The following PCDHGB7 variants were observed in gnomAD, a reference collection of about 807,000 sequenced individuals.
PCDHGB7 encodes protocadherin gamma-B7.
In PCDHGB7, 37 loss-of-function variants were observed where a neutral mutation model predicts 61.4. That is an observed-to-expected ratio of 0.60 (90% CI 0.46 to 0.79). The LOEUF (loss-of-function observed/expected upper bound fraction) is 0.79, where lower values mean the gene tolerates loss of function less well. PCDHGB7 is among the 30% of genes least tolerant of loss of function. The probability of loss-of-function intolerance (pLI) is 0.00; values close to 1 mark genes in which losing one functional copy is unlikely to be tolerated. For missense variants in PCDHGB7, 1,166 were observed against 1,202.5 expected, an observed-to-expected ratio of 0.97 and a Z score of 0.45; for synonymous variants, 464 against 503.5, an observed-to-expected ratio of 0.92 and a Z score of 1.05.
In PCDHGB7 at chr5:141,491,681, C is replaced by A; in HGVS notation, c.2416-3126C>A. The A allele has an allele frequency of 6.2e-7, 1 of 1,613,458 alleles. No individual in the cohort carries two copies. Among genetic ancestry groups the A allele is most frequent in the Non-Finnish European group, 8.5e-7 (1 of 1,179,804 alleles). ...GACGCCATCCGGTCCCGCTCTAATA[C>A]GCTGCGGGAGCGGAGCCAGGTGAGG... On this transcript the variant is annotated intron_variant, in intron 1 of 3. Coordinates refer to ENST00000398594, the MANE Select transcript of PCDHGB7 (RefSeq NM_018927.4). This position sits in a 1 kb window ranked among gnomAD's most constrained non-coding sequence, Gnocchi z 6.9.
chr5:141,435,990 T>C (rs1175877769), intron 1 of PCDHGB7, among the ~76,000 whole-genome samples: 1 of 152,162 alleles, frequency 6.6e-6, no homozygotes, highest in Non-Finnish European at 1.5e-5. Flanking sequence ...TTGTGTGATT[T>C]TTTGAAAGAA....
At chr5:141,492,560 G>T (rs2099742000) in intron 1 of PCDHGB7, among the ~76,000 whole-genome samples, 1 of 152,156 alleles carries the variant, frequency 6.6e-6, no homozygotes, top group Non-Finnish European at 1.5e-5. Context: ...CCTGGGGGGC[G>T]GCCTGAGCGA....
chr5:141,500,232 G>A (rs1024752888), intron 2 of PCDHGB7, among the ~76,000 whole-genome samples: 1 of 137,690 alleles, frequency 7.3e-6, no homozygotes, highest in South Asian at 2.3e-4. Flanking sequence ...TTATTGATAC[G>A]TAGCCTTGCT....
chr5:141,447,481 A>G lies in PCDHGB7; in HGVS notation c.2415+27207A>G, dbSNP rs141192758. 3.9e-3 allele frequency among the ~76,000 whole-genome samples: 591 copies of G among 152,326 alleles called. 6 individuals carry two copies. The highest frequency in any genetic ancestry group is 0.011 in the Admixed American group (170 of 15,286). ...TTTTCTTCACCATCTGTAAAACTGC[A>G]TAGAAGGAATGTTTAGGATAAAAGA... On this transcript the variant is annotated intron_variant, in intron 1 of 3. Transcript: ENST00000398594.
At position 141,490,148 on chromosome 5, in the gene PCDHGB7, A is replaced by G. The variant is rs2154582223; in HGVS notation, c.2416-4659A>G. The G allele has an allele frequency of 1.2e-6, 2 of 1,614,232 alleles. No homozygotes were observed. The highest frequency in any genetic ancestry group is 4.5e-5 in the East Asian group (2 of 44,888). On this transcript the variant is annotated intron_variant, in intron 1 of 3. Coordinates refer to ENST00000398594, the MANE Select transcript of PCDHGB7 (RefSeq NM_018927.4). The surrounding 1 kb of genome is among the most constrained non-coding windows in gnomAD (Gnocchi z 5.4). The stretch of plus-strand genomic sequence containing the variant: ...CTAGACCCTAGCAGTGGGGCAATCC[A>G]TGTGTTGGGTCCCATAGACTTTGAG...
chr5:141,494,746 C>A lies in PCDHGB7; in HGVS notation c.2416-61C>A. 3 of 1,613,088 alleles carry A rather than the reference C, an allele frequency of 1.9e-6. No individual in the cohort carries two copies. The South Asian group carries it at 3.3e-5, about 18-fold the overall frequency. On this transcript the variant is annotated intron_variant, in intron 1 of 3. Coordinates refer to ENST00000398594, the MANE Select transcript of PCDHGB7 (RefSeq NM_018927.4). ...TTCTCTCCCGGCCCATCCCTAGGGG[C>A]TCGGGTGACATTCTAACTTCTCACG...
chr5:141,492,395 C>G (rs2099740183), intron 1 of PCDHGB7, among the ~76,000 whole-genome samples: 1 of 152,242 alleles, frequency 6.6e-6, no homozygotes, highest in African/African-American at 2.4e-5. Flanking sequence ...GGTCCACTCG[C>G]AGCTCCCCTC....
chr5:141,452,252 C>T (rs868364679), intron 1 of PCDHGB7, among the ~76,000 whole-genome samples: 2 of 152,106 alleles, frequency 1.3e-5, no homozygotes, highest in Non-Finnish European at 2.9e-5. Context: ...TTTGCCATAA[C>T]TCTCTCATTT....
chr5:141,483,133 T>C (rs1263073911), intron 1 of PCDHGB7, among the ~76,000 whole-genome samples: 25 of 152,142 alleles, frequency 1.6e-4, no homozygotes, highest in South Asian at 1.2e-3. Flanking sequence ...GGAGATGAGG[T>C]GAAGCAAGTA....
chr5:141,506,262 A>G (rs1395369571), intron 3 of PCDHGB7, among the ~76,000 whole-genome samples: 1 of 152,046 alleles, frequency 6.6e-6, no homozygotes, highest in Admixed American at 6.6e-5. Context: ...CGGCCTGGCC[A>G]ACATAGTGAA....
intron 1 of PCDHGB7, chr5:141,478,229 T>C: frequency 6.2e-7 from 1 of 1,614,074 alleles, no homozygotes; most frequent in Non-Finnish European, 8.5e-7. Flanking sequence ...TTCTGTGGGG[T>C]TTGTGGTCAC....
chr5:141,469,855 G>T (rs1272105046), intron 1 of PCDHGB7, among the ~76,000 whole-genome samples: 4 of 152,186 alleles, frequency 2.6e-5, no homozygotes, highest in Non-Finnish European at 4.4e-5. Flanking sequence ...TTCAGACCGG[G>T]TGCAATGGCT....
At chr5:141,495,544 T>C (rs971374249) in intron 2 of PCDHGB7, among the ~76,000 whole-genome samples, 5 of 152,220 alleles carry the variant, frequency 3.3e-5, no homozygotes, top group African/African-American at 7.2e-5. Context: ...CCTCAGTCTC[T>C]ATCTCGCTTT....
rs1014896576 is a variant in PCDHGB7, at chr5:141,512,427, C to T, written c.*1254C>T. 6.5e-6 allele frequency: 1 copy of T among 152,788 alleles called. No individual in the cohort carries two copies. Among genetic ancestry groups the T allele is most frequent in the African/African-American group, 2.4e-5 (1 of 41,460 alleles). The allele number at this position is 152,788 out of a possible 1,614,324, so 9.5% of individuals were successfully genotyped here. A position where few individuals can be genotyped will look rare whatever the true frequency, so the allele number is the denominator to read the frequency against. On this transcript the variant is annotated 3_prime_UTR_variant, in exon 4 of 4. Transcript: ENST00000398594. ...GGGCTTCTTCAACAGGGCCCCTGCC[C>T]TCCTGAAGCCTCAGTCCTTCACCTT...
Position 141,477,771 on chromosome 5 carries a change from G to A in PCDHGB7, c.2416-17036G>A. 1 of 1,613,992 alleles carries A rather than the reference G, an allele frequency of 6.2e-7. No homozygotes were observed. The highest frequency in any genetic ancestry group is 1.3e-5 in the African/African-American group (1 of 75,054). ...ACCCCGGTCCTAGCCACCAACATCA[G>A]CGTGAACATATTTGTCACTGATCGC... On this transcript the variant is annotated intron_variant, in intron 1 of 3. Transcript: ENST00000398594. This position sits in a 1 kb window ranked among gnomAD's most constrained non-coding sequence, Gnocchi z 4.9.
At chr5:141,481,191 C>A (rs1244434918) in intron 1 of PCDHGB7, among the ~76,000 whole-genome samples, 1 of 152,148 alleles carries the variant, frequency 6.6e-6, no homozygotes, top group Non-Finnish European at 1.5e-5. Context: ...GGGCCAGGCC[C>A]AATTTTTTTA....
chr5:141,428,368 C>T, intron 1 of PCDHGB7: 1 of 545,002 alleles, frequency 1.8e-6, no homozygotes, highest in Non-Finnish European at 3.4e-6. Context: ...GGTCGCCTTG[C>T]ACCTGCGATG....
chr5:141,418,095 C>T lies in PCDHGB7; in HGVS notation c.236C>T (p.Ala79Val). 6.2e-7 allele frequency: 1 copy of T among 1,614,006 alleles called. No individual in the cohort carries two copies. Among genetic ancestry groups the T allele is most frequent in the Non-Finnish European group, 8.5e-7 (1 of 1,179,898 alleles). ...GAGAAGCTGCACTTCAGCGTAGACG[C>T]GCAGAGCGGGGACTTACTTGTGAAG... ...SAEKLHFSVDAQSGDLLVKDR... is the reference protein window; with the variant it reads ...SAEKLHFSVDVQSGDLLVKDR... The change falls in exon 1 of 4, where the codon GCG (alanine) becomes GTG (valine). Residue 79 changes from alanine to valine, a missense_variant. By Grantham distance (64) the Ala-to-Val change is moderately conservative (BLOSUM62 0). Coordinates refer to ENST00000398594, the MANE Select transcript of PCDHGB7 (RefSeq NM_018927.4).
At chr5:141,427,890 G>A in intron 1 of PCDHGB7, 1 of 1,566,844 alleles carries the variant, frequency 6.4e-7, no homozygotes, top group Non-Finnish European at 8.7e-7. Flanking sequence ...CCACGACCAG[G>A]GCTCGCCCGC....
Sources: allele counts gnomAD v4.1 joint callset (sites outside exome capture counted in the v4.1 genomes callset), GRCh38; gene constraint gnomAD v4.1.1; non-coding constraint Gnocchi (gnomAD v3.1); transcripts MANE v1.5; gene names NCBI Gene and HGNC (gene_info 2026-07-23, HGNC 2026-07-21).